Variants in GSK3B observed in about 807,000 individuals in gnomAD.
GSK3B encodes glycogen synthase kinase 3 beta.
In GSK3B, 15 loss-of-function variants were observed where a neutral mutation model predicts 56.4. The ratio of observed to expected loss-of-function variants is 0.27; its 90% confidence interval spans 0.18 to 0.41. The LOEUF (loss-of-function observed/expected upper bound fraction) is 0.41. Ranked by LOEUF, GSK3B falls within the 10% of genes least tolerant of loss-of-function variation. The probability of loss-of-function intolerance (pLI) is 1.00; values close to 1 mark genes in which losing one functional copy is unlikely to be tolerated. For missense variants in GSK3B, 300 were observed against 513.4 expected (o/e 0.58, Z 4.02); for synonymous variants, 181 against 188.9 (o/e 0.96, Z 0.34).
At chr3:120,001,036 T>C (rs951649480) in intron 2 of GSK3B, among the ~76,000 whole-genome samples, 1 of 148,154 alleles carries the variant, frequency 6.7e-6, no homozygotes, top group South Asian at 2.2e-4. Context: ...GCCATTCTCC[T>C]ACTTCAGCCT....
chr3:120,019,153 CA>C (rs932960224), intron 1 of GSK3B, among the ~76,000 whole-genome samples: 1 of 151,804 alleles, frequency 6.6e-6, no homozygotes. Flanking sequence ...TTCATACATT[CA>C]AAAAATATAT....
At chr3:119,937,440 G>C (rs919518612) in intron 3 of GSK3B, among the ~76,000 whole-genome samples, 7 of 152,202 alleles carry the variant, frequency 4.6e-5, no homozygotes, top group Admixed American at 2.0e-4. Context: ...ACAAGTGGAG[G>C]CAGCCTGAGA....
At chr3:119,893,651 C>T (rs1006470776) in intron 7 of GSK3B, among the ~76,000 whole-genome samples, 3 of 152,082 alleles carry the variant, frequency 2.0e-5, no homozygotes, top group East Asian at 1.9e-4. Context: ...AGGGTCCCCC[C>T]GTGTGCCTAT....
intron 9 of GSK3B, among the ~76,000 whole-genome samples, chr3:119,848,617 A>AG (rs2055887809): frequency 6.6e-6 from 1 of 152,178 alleles, no homozygotes; most frequent in African/African-American, 2.4e-5. Context: ...CTAAGACCCT[A>AG]GCAAGGGAAA....
chr3:120,043,043 T>A (rs1321338365), intron 1 of GSK3B, among the ~76,000 whole-genome samples: 1 of 152,202 alleles, frequency 6.6e-6, no homozygotes, highest in East Asian at 1.9e-4. Context: ...CTTTACTTTC[T>A]CTTTTTCTTA....
At chr3:120,024,184 T>C (rs1559880738) in intron 1 of GSK3B, among the ~76,000 whole-genome samples, 1 of 152,054 alleles carries the variant, frequency 6.6e-6, no homozygotes, top group Non-Finnish European at 1.5e-5. Flanking sequence ...AATTTTTTTT[T>C]AATTAGCCAG....
intron 9 of GSK3B, among the ~76,000 whole-genome samples, chr3:119,846,933 A>G (rs879708157): frequency 1.2e-4 from 18 of 152,252 alleles, no homozygotes; most frequent in Non-Finnish European, 2.2e-4. Flanking sequence ...TGGCCCATAT[A>G]CATCACAGAA....
intron 3 of GSK3B, among the ~76,000 whole-genome samples, chr3:119,935,321 T>C (rs1004567217): frequency 2.6e-5 from 4 of 152,240 alleles, no homozygotes; most frequent in African/African-American, 9.6e-5. Context: ...TTTCATAATA[T>C]AGTAAGATAA....
intron 1 of GSK3B, among the ~76,000 whole-genome samples, chr3:120,036,316 A>G (rs1476617934): frequency 1.3e-5 from 2 of 152,226 alleles, no homozygotes; most frequent in Non-Finnish European, 2.9e-5. Flanking sequence ...AAAAACATAA[A>G]CACTACTTTA....
intron 8 of GSK3B, among the ~76,000 whole-genome samples, chr3:119,872,033 A>G (rs4688042): frequency 0.24 from 36,808 of 152,018 alleles, 4,916 homozygotes; most frequent in East Asian, 0.49. Flanking sequence ...TGCTTGTCAT[A>G]AAGAAATTTA....
At chr3:119,871,614 A>G (rs2056250902) in intron 8 of GSK3B, among the ~76,000 whole-genome samples, 1 of 152,196 alleles carries the variant, frequency 6.6e-6, no homozygotes, top group Non-Finnish European at 1.5e-5. Flanking sequence ...GTGAGATTTG[A>G]GAACTTAAGA....
chr3:119,999,168 C>T (rs533605094), intron 2 of GSK3B, among the ~76,000 whole-genome samples: 1 of 152,266 alleles, frequency 6.6e-6, no homozygotes, highest in African/African-American at 2.4e-5. Context: ...TAAAACCAAT[C>T]TCTCTTGAGA....
intron 1 of GSK3B, among the ~76,000 whole-genome samples, chr3:120,071,006 C>T (rs2058322395): frequency 6.6e-6 from 1 of 152,186 alleles, no homozygotes; most frequent in Non-Finnish European, 1.5e-5. Flanking sequence ...TGTTTGTTTC[C>T]TCCCCTTCTC....
chr3:119,988,473 A>G (rs537187508), intron 2 of GSK3B, among the ~76,000 whole-genome samples: 5 of 152,364 alleles, frequency 3.3e-5, no homozygotes, highest in Admixed American at 6.5e-5. Flanking sequence ...ACAGGACAGA[A>G]TTGGAAAAAC....
intron 9 of GSK3B, among the ~76,000 whole-genome samples, chr3:119,845,369 G>A (rs1469427859): frequency 6.6e-6 from 1 of 152,190 alleles, no homozygotes; most frequent in Non-Finnish European, 1.5e-5. Flanking sequence ...AAAAGAGGAA[G>A]TCAAATTATC....
intron 10 of GSK3B, among the ~76,000 whole-genome samples, chr3:119,836,356 A>T (rs1222554756): frequency 6.6e-6 from 1 of 152,182 alleles, no homozygotes. Context: ...AAATGTTATC[A>T]TGACTCCCCC....
At chr3:119,920,946 T>C (rs970470933) in intron 4 of GSK3B, among the ~76,000 whole-genome samples, 1 of 152,188 alleles carries the variant, frequency 6.6e-6, no homozygotes. Flanking sequence ...CCGTGACAAT[T>C]AGCACCTCTA....
intron 2 of GSK3B, among the ~76,000 whole-genome samples, chr3:119,964,062 A>G (rs2057298000): frequency 6.6e-6 from 1 of 152,238 alleles, no homozygotes; most frequent in Non-Finnish European, 1.5e-5. Context: ...CAACAGAGTA[A>G]GAAGGCAGCC....
intron 5 of GSK3B, among the ~76,000 whole-genome samples, chr3:119,915,689 T>C (rs1376758034): frequency 6.6e-6 from 1 of 152,146 alleles, no homozygotes; most frequent in Non-Finnish European, 1.5e-5. Flanking sequence ...AGTTGCCTCA[T>C]TCTTTTTCAT....
Sources: allele counts gnomAD v4.1 joint callset (sites outside exome capture counted in the v4.1 genomes callset), GRCh38; gene constraint gnomAD v4.1.1; transcripts MANE v1.5; gene names NCBI Gene and HGNC (gene_info 2026-07-23, HGNC 2026-07-21).